PTPRN2: variants seen among roughly 807,000 people sequenced by gnomAD.
PTPRN2 encodes the protein receptor-type tyrosine-protein phosphatase N2.
PTPRN2 carries 74 observed loss-of-function variants against 118.8 expected under a neutral mutation model. That is an observed-to-expected ratio of 0.62 (90% CI 0.52 to 0.76). The LOEUF is 0.76. Among genes scored for constraint, PTPRN2 ranks in the 30% least tolerant of loss-of-function variants. The pLI is 0.00. For synonymous variants in PTPRN2, 641 were observed against 608.0 expected (o/e 1.05, Z -0.80); for missense variants, 1,481 against 1,394.4 (o/e 1.06, Z -0.99).
chr7:158,243,097 G>A lies in PTPRN2; in HGVS notation c.278-37824C>T, dbSNP rs573491886. ...TCTTCATTTCCTAGTGCCTTGGGGT[G>A]TAATGTTAGGTTGATTAGAAAACAA... On this transcript the variant is annotated intron_variant, in intron 3 of 22. Coordinates refer to ENST00000389418, the MANE Select transcript of PTPRN2 (RefSeq NM_002847.5). 1.2e-4 allele frequency among the ~76,000 whole-genome samples: 19 copies of A among 152,308 alleles called. 1 individual carries two copies. In the South Asian group the frequency reaches 3.9e-3, roughly 32 times the overall value.
intron 11 of PTPRN2, among the ~76,000 whole-genome samples, chr7:158,078,114 T>G (rs1383515840): frequency 2.0e-5 from 3 of 152,214 alleles, no homozygotes; most frequent in Admixed American, 6.5e-5. Flanking sequence ...GCCCTTCTCA[T>G]TCGGCATCAA....
chr7:158,120,892 G>C (rs1033638244), intron 9 of PTPRN2, among the ~76,000 whole-genome samples: 6 of 152,192 alleles, frequency 3.9e-5, no homozygotes, highest in Non-Finnish European at 7.3e-5. Flanking sequence ...CAGCTGGACA[G>C]AGCAATGACC....
intron 2 of PTPRN2, among the ~76,000 whole-genome samples, chr7:158,338,324 C>G (rs866858385): frequency 2.2e-4 from 9 of 40,088 alleles, no homozygotes; most frequent in South Asian, 1.6e-3. Context: ...ACCATAAGAG[C>G]TGACACCCGC....
At chr7:157,714,745 C>T (rs1227362789) in intron 12 of PTPRN2, among the ~76,000 whole-genome samples, 1 of 151,986 alleles carries the variant, frequency 6.6e-6, no homozygotes, top group East Asian at 1.9e-4. Context: ...TTTTCTAAAG[C>T]CAGCTCCCCA....
At chr7:158,520,895 G>A (rs996461900) in intron 1 of PTPRN2, among the ~76,000 whole-genome samples, 2 of 152,196 alleles carry the variant, frequency 1.3e-5, no homozygotes, top group Non-Finnish European at 2.9e-5. Flanking sequence ...AGATTCAGCA[G>A]GAGGATACAC....
At chr7:158,221,255 A>G (rs1321044271) in intron 3 of PTPRN2, among the ~76,000 whole-genome samples, 1 of 152,150 alleles carries the variant, frequency 6.6e-6, no homozygotes, top group Non-Finnish European at 1.5e-5. Flanking sequence ...ACCTAAAACC[A>G]TAAAAACCCT....
Position 158,093,653 on chromosome 7 carries a change from G to A in PTPRN2, c.1644-12276C>T, listed in dbSNP as rs561624911. Among the ~76,000 whole-genome samples the A allele has an allele frequency of 4.3e-4, 66 of 152,280 alleles. No individual in the cohort carries two copies. The highest frequency in any genetic ancestry group is 1.2e-3 in the African/African-American group (49 of 41,566). The stretch of plus-strand genomic sequence containing the variant: ...TATGTCTTCTTACAGAGGAGACATC[G>A]GGAACATAAAACTCCGGAATTCCAC... On this transcript the variant is annotated intron_variant, in intron 10 of 22. Transcript: ENST00000389418. The surrounding 1 kb of genome is among the most constrained non-coding windows in gnomAD (Gnocchi z 4.4).
chr7:158,411,813 C>T (rs1814118521), intron 2 of PTPRN2, among the ~76,000 whole-genome samples: 1 of 152,168 alleles, frequency 6.6e-6, no homozygotes, highest in Non-Finnish European at 1.5e-5. Flanking sequence ...CACTGGCCTT[C>T]CTCCCGGGCT....
intron 2 of PTPRN2, among the ~76,000 whole-genome samples, chr7:158,359,928 G>C (rs1418979222): frequency 1.3e-5 from 2 of 152,080 alleles, no homozygotes; most frequent in Admixed American, 1.3e-4. Flanking sequence ...CAGCTGTGGA[G>C]AGTGAGAAGA....
intron 3 of PTPRN2, among the ~76,000 whole-genome samples, chr7:158,269,516 T>C (rs1431391997): frequency 6.6e-6 from 1 of 152,242 alleles, no homozygotes; most frequent in Non-Finnish European, 1.5e-5. Context: ...GAAGACATTC[T>C]GCAGCTCTAA....
chr7:157,836,874 C>T (rs918300676), intron 12 of PTPRN2, among the ~76,000 whole-genome samples: 6 of 151,976 alleles, frequency 3.9e-5, no homozygotes, highest in Non-Finnish European at 5.9e-5. Flanking sequence ...ATCCATCCCC[C>T]GACCAAACCA....
chr7:157,847,761 C>T (rs1368345719), intron 12 of PTPRN2, among the ~76,000 whole-genome samples: 228 of 68,252 alleles, frequency 3.3e-3, no homozygotes, highest in Middle Eastern at 0.017. Context: ...CTCCATCATG[C>T]GTGCCCGATG....
chr7:158,270,841 T>TCCACCTGGGCCTCCCCATC (rs1161533613), intron 3 of PTPRN2, among the ~76,000 whole-genome samples: 1 of 4,588 alleles, frequency 2.2e-4, no homozygotes, highest in Non-Finnish European at 4.0e-4. Flanking sequence ...GATGACCCCC[T>TCCACCTGGGCCTCCCCATC]CACCTGGACC....
intron 12 of PTPRN2, among the ~76,000 whole-genome samples, chr7:157,745,576 C>T (rs1388138207): frequency 6.6e-6 from 1 of 152,208 alleles, no homozygotes; most frequent in East Asian, 1.9e-4. Flanking sequence ...CACCTCAGTC[C>T]TGATATTTAT....
intron 13 of PTPRN2, among the ~76,000 whole-genome samples, chr7:157,665,763 A>G (rs1796106319): frequency 6.6e-6 from 1 of 152,278 alleles, no homozygotes; most frequent in African/African-American, 2.4e-5. Flanking sequence ...GACTGGATTA[A>G]GAAAATGTGG....
chr7:158,235,384 A>C (rs1229268206), intron 3 of PTPRN2, among the ~76,000 whole-genome samples: 1 of 152,234 alleles, frequency 6.6e-6, no homozygotes, highest in Non-Finnish European at 1.5e-5. Flanking sequence ...AAAATGCAGA[A>C]TATATACACA....
chr7:157,926,464 T>C (rs1034914670), intron 11 of PTPRN2, among the ~76,000 whole-genome samples: 1 of 152,248 alleles, frequency 6.6e-6, no homozygotes, highest in African/African-American at 2.4e-5. Context: ...TCTGAGTCCA[T>C]GTGAGATAAT....
intron 6 of PTPRN2, among the ~76,000 whole-genome samples, chr7:158,143,336 G>A (rs148850740): frequency 2.6e-3 from 395 of 152,270 alleles, no homozygotes; most frequent in African/African-American, 8.8e-3. Context: ...AGGAGGCACC[G>A]GAGCCTGCGG....
At chr7:158,171,308 C>CACACAT (rs1404282409) in intron 5 of PTPRN2, among the ~76,000 whole-genome samples, 3 of 48,674 alleles carry the variant, frequency 6.2e-5, no homozygotes, top group Admixed American at 2.6e-4. Context: ...TATATACACA[C>CACACAT]ATATATATAT....
Sources: gnomAD v4.1 joint callset for allele counts (sites outside exome capture counted in the v4.1 genomes callset) on GRCh38, gnomAD v4.1.1 for gene constraint, Gnocchi (gnomAD v3.1) non-coding constraint, MANE v1.5 for transcripts, NCBI Gene and HGNC (gene_info 2026-07-23, HGNC 2026-07-21) for gene names.